The following ATP9B variants were observed in gnomAD, a reference collection of about 807,000 sequenced individuals.
The protein encoded by ATP9B is ATPase phospholipid transporting 9B.
Under a neutral mutation model 146.1 loss-of-function variants are expected in ATP9B, and 110 were observed. The observed-to-expected ratio is 0.75, with a 90% CI of 0.65 to 0.88. ATP9B has a LOEUF of 0.88. Ranked by LOEUF, ATP9B falls within the 40% of genes least tolerant of loss-of-function variation. The pLI is 0.00. For synonymous variants in ATP9B, 604 were observed against 569.7 expected, an observed-to-expected ratio of 1.06 and a Z score of -0.86; for missense variants, 1,499 against 1,496.4, an observed-to-expected ratio of 1.00 and a Z score of -0.03.
intron 9 of ATP9B, among the ~76,000 whole-genome samples, chr18:79,200,789 G>GGGGTCTGTC (rs1244770040): frequency 1.3e-5 from 1 of 79,122 alleles, no homozygotes; most frequent in Non-Finnish European, 2.9e-5. Flanking sequence ...AAGTAGTGGT[G>GGGGTCTGTC]GAATTGTTTT....
intron 10 of ATP9B, among the ~76,000 whole-genome samples, chr18:79,212,363 T>C (rs1275911437): frequency 6.6e-6 from 1 of 152,224 alleles, no homozygotes; most frequent in African/African-American, 2.4e-5. Context: ...CCTTGTTATG[T>C]ATCACATTGA....
In ATP9B at chr18:79,268,777, TTTGCC is replaced by T. The variant is rs1369430522; in HGVS notation, c.1269-8274_1269-8270del. 2.6e-5 allele frequency among the ~76,000 whole-genome samples: 4 copies of T among 152,252 alleles called. No individual in the cohort carries two copies. In the East Asian group the frequency reaches 7.7e-4, roughly 29 times the overall value. On this transcript the variant is annotated intron_variant, in intron 12 of 29. Transcript: ENST00000426216. Reference sequence around the variant, plus strand: ...CTTCTTGCATCTTAGAGTAGAGTAATTTGCCTTCTGTTAGAAATGTGTTCGCTTTT... The same window carrying T: ...CTTCTTGCATCTTAGAGTAGAGTAATTTCTGTTAGAAATGTGTTCGCTTTT...
At chr18:79,183,316 A>G (rs1332928960) in intron 8 of ATP9B, among the ~76,000 whole-genome samples, 1 of 152,186 alleles carries the variant, frequency 6.6e-6, no homozygotes, top group Non-Finnish European at 1.5e-5. Flanking sequence ...TATTTGGCCA[A>G]AATGCTTTTC....
chr18:79,164,156 TC>T (rs1403220018), intron 7 of ATP9B, among the ~76,000 whole-genome samples: 1 of 152,128 alleles, frequency 6.6e-6, no homozygotes, highest in African/African-American at 2.4e-5. Flanking sequence ...CACTTCTGGG[TC>T]CAAGCCATTC....
intron 12 of ATP9B, 111 bp from the exon 13 acceptor site, chr18:79,276,943 A>G (rs758640082): frequency 1.0e-5 from 15 of 1,487,326 alleles, no homozygotes; most frequent in Non-Finnish European, 1.4e-5. Context: ...GAACTTGGAC[A>G]TGGGTCTGGA....
intron 7 of ATP9B, among the ~76,000 whole-genome samples, chr18:79,159,787 A>G (rs1445124073): frequency 6.6e-6 from 1 of 151,898 alleles, no homozygotes; most frequent in Non-Finnish European, 1.5e-5. Context: ...TCATGACCTC[A>G]CCCTACATCC....
At chr18:79,287,575 A>G (rs1418213745) in intron 13 of ATP9B, among the ~76,000 whole-genome samples, 2 of 151,102 alleles carry the variant, frequency 1.3e-5, no homozygotes, top group African/African-American at 4.9e-5. Context: ...CAGCTCCTGG[A>G]TTCATTAATT....
At chr18:79,231,493 G>A (rs923102042) in intron 11 of ATP9B, among the ~76,000 whole-genome samples, 13 of 152,142 alleles carry the variant, frequency 8.5e-5, no homozygotes, top group Admixed American at 8.5e-4. Context: ...AATAGTAGAT[G>A]CTGGTGTGGA....
intron 2 of ATP9B, among the ~76,000 whole-genome samples, chr18:79,105,815 G>C (rs190580230): frequency 3.3e-5 from 5 of 152,130 alleles, no homozygotes; most frequent in African/African-American, 1.2e-4. Flanking sequence ...TCAACTAATC[G>C]GCAGACGTTG....
At chr18:79,164,667 T>C (rs1234085474) in intron 7 of ATP9B, among the ~76,000 whole-genome samples, 2 of 152,056 alleles carry the variant, frequency 1.3e-5, no homozygotes, top group Non-Finnish European at 2.9e-5. Flanking sequence ...TGCAGTGAGC[T>C]GAGATCGCGC....
intron 12 of ATP9B, among the ~76,000 whole-genome samples, chr18:79,273,101 T>C (rs1374063396): frequency 2.6e-5 from 4 of 152,222 alleles, no homozygotes; most frequent in Admixed American, 1.3e-4. Flanking sequence ...CTTTCCACGC[T>C]GAGGAAGAGT....
At chr18:79,281,690 C>T (rs575611152) in intron 13 of ATP9B, among the ~76,000 whole-genome samples, 1 of 152,162 alleles carries the variant, frequency 6.6e-6, no homozygotes, top group African/African-American at 2.4e-5. Context: ...TCAGAAGAAA[C>T]AGTTTTAGCA....
At chr18:79,245,443 G>C (rs73973027) in intron 11 of ATP9B, among the ~76,000 whole-genome samples, 9,583 of 152,226 alleles carry the variant, frequency 0.063, 609 homozygotes, top group African/African-American at 0.16. Flanking sequence ...CAGTAAATCT[G>C]TTCAGGATCT....
At chr18:79,131,761 T>A (rs1218854876) in intron 5 of ATP9B, among the ~76,000 whole-genome samples, 1 of 152,242 alleles carries the variant, frequency 6.6e-6, no homozygotes. Flanking sequence ...ATTTCTATGA[T>A]GGAATTTTAT....
intron 8 of ATP9B, among the ~76,000 whole-genome samples, chr18:79,192,631 G>A (rs186958273): frequency 7.9e-5 from 12 of 152,256 alleles, no homozygotes; most frequent in Admixed American, 5.2e-4. Context: ...TGTGTGTTTC[G>A]TGAAAGCTTT....
intron 10 of ATP9B, among the ~76,000 whole-genome samples, chr18:79,213,272 T>C (rs539800681): frequency 1.3e-5 from 2 of 152,232 alleles, no homozygotes; most frequent in African/African-American, 4.8e-5. Context: ...AGAAAGAGAT[T>C]TCCATGGTTT....
intron 2 of ATP9B, among the ~76,000 whole-genome samples, chr18:79,106,117 T>C (rs923446927): frequency 1.3e-5 from 2 of 152,230 alleles, no homozygotes; most frequent in African/African-American, 4.8e-5. Context: ...GTATAACTTG[T>C]ACACTGCTGG....
intron 2 of ATP9B, among the ~76,000 whole-genome samples, chr18:79,105,091 G>C (rs898074119): frequency 6.6e-6 from 1 of 152,162 alleles, no homozygotes; most frequent in Non-Finnish European, 1.5e-5. Context: ...CTGAGGTATT[G>C]TCATGCTGTT....
intron 8 of ATP9B, among the ~76,000 whole-genome samples, chr18:79,189,957 C>T (rs532513981): frequency 6.6e-6 from 1 of 152,364 alleles, no homozygotes; most frequent in South Asian, 2.1e-4. Context: ...AACTGTGATG[C>T]ACAGGGTCCT....
Sources: allele counts gnomAD v4.1 joint callset (sites outside exome capture counted in the v4.1 genomes callset), GRCh38; gene constraint gnomAD v4.1.1; transcripts MANE v1.5; gene names NCBI Gene and HGNC (gene_info 2026-07-23, HGNC 2026-07-21).